ERMP1: variants seen among roughly 807,000 people sequenced by gnomAD.
ERMP1 encodes Felix-ina.
ERMP1 carries 86 observed loss-of-function variants against 92.0 expected under a neutral mutation model. That is an observed-to-expected ratio of 0.93 (90% CI 0.79 to 1.12). ERMP1 has a LOEUF of 1.12. Among genes scored for constraint, ERMP1 ranks in the 50% most tolerant of loss-of-function variants. ERMP1 has a pLI of 0.00. For missense variants in ERMP1, 1,342 were observed against 1,116.3 expected (o/e 1.20, Z -2.88); for synonymous variants, 530 against 412.8 (o/e 1.28, Z -3.44).
intron 8 of ERMP1, among the ~76,000 whole-genome samples, chr9:5,809,163 A>C (rs1554622712): frequency 1.3e-5 from 2 of 152,056 alleles, no homozygotes; most frequent in Non-Finnish European, 2.9e-5. Context: ...CTGGGACTAC[A>C]GGCGCCGCCA....
At chr9:5,851,908 A>G (rs1225379905) in intron 6 of ERMP1, among the ~76,000 whole-genome samples, 3 of 152,258 alleles carry the variant, frequency 2.0e-5, no homozygotes, top group Non-Finnish European at 4.4e-5. Flanking sequence ...TTTTGATTTC[A>G]TAATGAGTCA....
At chr9:5,810,977 AT>A (rs1829067986) in intron 7 of ERMP1, 133 bp downstream of exon 7, 1 of 581,686 alleles carries the variant, frequency 1.7e-6, no homozygotes, top group African/African-American at 1.9e-5. Context: ...ATATTTAAAA[AT>A]TTCTTACAAT....
At position 5,787,412 on chromosome 9, in the gene ERMP1, A is replaced by G. The variant is rs748115338; in HGVS notation, c.2550+18T>C. The G allele has an allele frequency of 2.5e-6, 4 of 1,610,742 alleles. No individual in the cohort carries two copies. The highest frequency in any genetic ancestry group is 3.4e-6 in the Non-Finnish European group (4 of 1,178,646). ...GGGAACCTAATCAATGAAACAAACA[A>G]TGCTGGGAAATTGGCACCTGCACTT... On this transcript the variant is annotated intron_variant, in intron 14 of 14. Transcript: ENST00000339450.
chr9:5,841,292 C>T (rs756410378), intron 6 of ERMP1, among the ~76,000 whole-genome samples: 2 of 152,146 alleles, frequency 1.3e-5, no homozygotes, highest in Admixed American at 6.5e-5. Flanking sequence ...AGTACTGATA[C>T]GTACTATAAT....
chr9:5,855,374 G>A (rs1830361626), intron 6 of ERMP1, among the ~76,000 whole-genome samples: 1 of 152,188 alleles, frequency 6.6e-6, no homozygotes, highest in South Asian at 2.1e-4. Context: ...GAGAATCTGG[G>A]AGAAAGCCTG....
chr9:5,845,671 C>T (rs1830225948), intron 6 of ERMP1, among the ~76,000 whole-genome samples: 1 of 152,202 alleles, frequency 6.6e-6, no homozygotes, highest in Non-Finnish European at 1.5e-5. Flanking sequence ...AGAAACCACT[C>T]AAATTGGTTC....
At chr9:5,801,401 T>G in intron 10 of ERMP1, 73 bp from the exon 11 acceptor site, 3 of 1,489,422 alleles carry the variant, frequency 2.0e-6, no homozygotes, top group Non-Finnish European at 2.7e-6. Context: ...TTAACTAACT[T>G]TATTTTTAAC....
At chr9:5,810,837 C>T (rs1829063775) in intron 7 of ERMP1, among the ~76,000 whole-genome samples, 1 of 152,076 alleles carries the variant, frequency 6.6e-6, no homozygotes, top group Non-Finnish European at 1.5e-5. Context: ...TTTAATGGGA[C>T]TTTTCATTAG....
chr9:5,849,092 G>C (rs1453864874), intron 6 of ERMP1, among the ~76,000 whole-genome samples: 2 of 152,144 alleles, frequency 1.3e-5, no homozygotes, highest in Non-Finnish European at 2.9e-5. Context: ...GCACGATCTT[G>C]GCTCACTGCA....
chr9:5,859,896 G>A (rs929920568), intron 5 of ERMP1, among the ~76,000 whole-genome samples: 1 of 152,120 alleles, frequency 6.6e-6, no homozygotes, highest in Non-Finnish European at 1.5e-5. Context: ...CACAGCCTTA[G>A]ATATACTTTG....
At position 5,805,121 on chromosome 9, in the gene ERMP1, G is replaced by A. The variant is rs748066560; in HGVS notation, c.1820C>T (p.Thr607Ile). Residue 607 changes from threonine (T) to isoleucine (I), a missense_variant, in exon 10 of 15, where the codon ACC (threonine) becomes ATC (isoleucine). By Grantham distance (89) the Thr-to-Ile change is moderately conservative (BLOSUM62 -1). Coordinates refer to ENST00000339450, the MANE Select transcript of ERMP1 (RefSeq NM_024896.3). Reference sequence around the variant, plus strand: ...AGAACCACTTCTCCCGAGGATAGGGGTAAACATCTCAAATACTGCCCAGAT... The same window carrying A: ...AGAACCACTTCTCCCGAGGATAGGGATAAACATCTCAAATACTGCCCAGAT... ...YLIWAVFEMFTPILGRSGSEI... is the reference protein window; with the variant it reads ...YLIWAVFEMFIPILGRSGSEI... 3 of 1,613,308 alleles carry A rather than the reference G, an allele frequency of 1.9e-6. No homozygotes were observed. Among genetic ancestry groups the A allele is most frequent in the Admixed American group, 1.7e-5 (1 of 59,940 alleles).
intron 6 of ERMP1, among the ~76,000 whole-genome samples, chr9:5,842,441 AAAAAAAAAAG>A (rs1034568811): frequency 1.3e-5 from 2 of 150,278 alleles, no homozygotes; most frequent in Non-Finnish European, 3.0e-5. Context: ...TCTCAAAAAA[AAAAAAAAAAG>A]AAAGAAAAGA....
intron 6 of ERMP1, among the ~76,000 whole-genome samples, chr9:5,843,965 C>T (rs370082827): frequency 3.3e-5 from 5 of 152,086 alleles, no homozygotes; most frequent in African/African-American, 1.2e-4. Flanking sequence ...TGGAAAATAA[C>T]GAGCACTCCT....
At chr9:5,846,984 C>T (rs987915119) in intron 6 of ERMP1, among the ~76,000 whole-genome samples, 2 of 152,118 alleles carry the variant, frequency 1.3e-5, no homozygotes, top group African/African-American at 2.4e-5. Context: ...CACAGGGGTG[C>T]GATGGCCTCC....
At chr9:5,856,757 G>C (rs75677994) in intron 6 of ERMP1, among the ~76,000 whole-genome samples, 2,371 of 152,220 alleles carry the variant, frequency 0.016, 74 homozygotes, top group East Asian at 0.13. Flanking sequence ...ACATAACCTT[G>C]TTTTATGTGT....
rs117253228 is a variant in ERMP1, at chr9:5,823,359, T to G, written c.874+537A>C. ...AACATTCCACTAAATCAATGATAAA[T>G]TTAAACCTGTTACATACACTACAGG... On this transcript the variant is annotated intron_variant, in intron 4 of 14. Coordinates refer to ENST00000339450, the MANE Select transcript of ERMP1 (RefSeq NM_024896.3). Among the ~76,000 whole-genome samples, 549 of 152,304 alleles carry G rather than the reference T, an allele frequency of 3.6e-3. 3 individuals are homozygous for G. The highest frequency in any genetic ancestry group is 0.019 in the South Asian group (94 of 4,826).
chr9:5,866,397 C>G (rs1830663607), intron 5 of ERMP1, among the ~76,000 whole-genome samples: 1 of 152,174 alleles, frequency 6.6e-6, no homozygotes, highest in African/African-American at 2.4e-5. Context: ...ATTGTTGGAT[C>G]CTACTGTTTG....
At chr9:5,819,800 A>G (rs925937888) in intron 4 of ERMP1, among the ~76,000 whole-genome samples, 2 of 152,200 alleles carry the variant, frequency 1.3e-5, no homozygotes, top group African/African-American at 4.8e-5. Context: ...GATTACATTT[A>G]TATGAAATGT....
intron 4 of ERMP1, among the ~76,000 whole-genome samples, chr9:5,814,634 G>A (rs1829233247): frequency 6.6e-6 from 1 of 152,282 alleles, no homozygotes; most frequent in African/African-American, 2.4e-5. Context: ...GGAGGCTGAG[G>A]CAGGAGAATT....
Sources: allele counts gnomAD v4.1 joint callset (sites outside exome capture counted in the v4.1 genomes callset), GRCh38; gene constraint gnomAD v4.1.1; transcripts MANE v1.5; gene names NCBI Gene and HGNC (gene_info 2026-07-23, HGNC 2026-07-21).